The following PSME4 variants were observed in gnomAD, a reference collection of about 807,000 sequenced individuals.
PSME4 encodes the protein proteasome activator complex subunit 4.
PSME4 carries 89 observed loss-of-function variants against 253.9 expected under a neutral mutation model. The observed-to-expected ratio is 0.35, with a 90% CI of 0.30 to 0.42. The LOEUF (loss-of-function observed/expected upper bound fraction) is 0.42. Among genes scored for constraint, PSME4 ranks in the 10% least tolerant of loss-of-function variants. PSME4 has a pLI of 1.00. For missense variants in PSME4, 2,014 were observed against 2,195.2 expected, an observed-to-expected ratio of 0.92 and a Z score of 1.65; for synonymous variants, 851 against 759.2, an observed-to-expected ratio of 1.12 and a Z score of -1.99.
chr2:53,871,055 T>A (rs930448149), intron 43 of PSME4: 1 of 152,226 alleles, frequency 6.6e-6, no homozygotes, highest in Non-Finnish European at 1.5e-5. Context: ...AGTGCTAACA[T>A]ATAATGACAC....
intron 43 of PSME4, 37 bp downstream of exon 43, chr2:53,874,302 T>A (rs760688092): frequency 6.3e-7 from 1 of 1,580,234 alleles, no homozygotes; most frequent in African/African-American, 1.4e-5. Flanking sequence ...TTTCTTTAAA[T>A]TGACTGAATT....
At chr2:53,887,229 A>G in intron 40 of PSME4, 30 bp downstream of exon 40, 1 of 1,564,160 alleles carries the variant, frequency 6.4e-7, no homozygotes, top group Non-Finnish European at 8.8e-7. Context: ...GATGTTTTCA[A>G]CTGAGTTTCT....
At chr2:53,925,824 T>C in intron 13 of PSME4, 135 bp from the exon 14 acceptor site, 1 of 1,256,486 alleles carries the variant, frequency 8.0e-7, no homozygotes, top group South Asian at 1.4e-5. Context: ...CACAAATCGA[T>C]TATCCTTTTA....
intron 17 of PSME4, among the ~76,000 whole-genome samples, chr2:53,921,838 A>G (rs1668337759): frequency 7.4e-6 from 1 of 134,438 alleles, no homozygotes; most frequent in African/African-American, 2.7e-5. Context: ...ACTGCACTCC[A>G]GCCTGGGCGA....
chr2:53,956,355 C>G (rs2104483153), intron 1 of PSME4, among the ~76,000 whole-genome samples: 1 of 151,660 alleles, frequency 6.6e-6, no homozygotes, highest in Non-Finnish European at 1.5e-5. Context: ...ACGGTGAAAC[C>G]CCGTCTCTAC....
intron 41 of PSME4, among the ~76,000 whole-genome samples, chr2:53,885,308 A>C (rs922381782): frequency 2.0e-4 from 30 of 152,232 alleles, no homozygotes; most frequent in African/African-American, 6.8e-4. Flanking sequence ...TAAAACAAAC[A>C]CAATATACTG....
In PSME4 at chr2:53,921,110, A is replaced by C. The variant is rs200106189; in HGVS notation, c.2047-6T>G. 243 of 1,613,060 alleles carry C rather than the reference A, an allele frequency of 1.5e-4. 1 individual carries two copies. The African/African-American group carries it at 2.6e-3, about 17-fold the overall frequency. On this transcript the variant is annotated splice_region_variant and splice_polypyrimidine_tract_variant and intron_variant, in intron 17 of 46. Transcript: ENST00000404125. ...CTTCCATCCACTCGAGTAATCTAAA[A>C]GGAGGGAAAAAATAGTTGAAGATAT...
intron 1 of PSME4, among the ~76,000 whole-genome samples, chr2:53,959,621 G>A (rs924634468): frequency 6.6e-6 from 1 of 152,124 alleles, no homozygotes; most frequent in African/African-American, 2.4e-5. Context: ...AAGTAGCAGA[G>A]AAAACTAAGG....
chr2:53,893,004 T>C (rs1376325491), intron 35 of PSME4, 44 bp from the exon 36 acceptor site: 1 of 1,546,544 alleles, frequency 6.5e-7, no homozygotes, highest in Non-Finnish European at 8.8e-7. Flanking sequence ...ATGACTATCA[T>C]CTCGATTATA....
intron 28 of PSME4, among the ~76,000 whole-genome samples, chr2:53,900,491 C>T (rs1200611815): frequency 6.6e-6 from 1 of 151,596 alleles, no homozygotes; most frequent in Non-Finnish European, 1.5e-5. Context: ...GATGATTATG[C>T]CACTGCACTC....
intron 10 of PSME4, among the ~76,000 whole-genome samples, chr2:53,930,254 CT>C (rs1212316438): frequency 6.6e-6 from 1 of 152,130 alleles, no homozygotes; most frequent in African/African-American, 2.4e-5. Flanking sequence ...TATTTATAAG[CT>C]TTGTTCTTTC....
intron 44 of PSME4, among the ~76,000 whole-genome samples, chr2:53,867,334 G>C (rs1678613455): frequency 6.6e-6 from 1 of 151,942 alleles, no homozygotes; most frequent in African/African-American, 2.4e-5. Flanking sequence ...GCGAAACCCT[G>C]TCTCTGCTAA....
intron 29 of PSME4, among the ~76,000 whole-genome samples, chr2:53,899,544 G>A (rs543867725): frequency 2.0e-5 from 3 of 151,948 alleles, no homozygotes; most frequent in South Asian, 4.2e-4. Context: ...TCGGCCAGGC[G>A]CAGTGGCTCA....
chr2:53,910,274 A>AATCAATCTATCTTTCTC (rs1667771136), intron 20 of PSME4, 144 bp from the exon 21 acceptor site: 1 of 684,254 alleles, frequency 1.5e-6, no homozygotes, highest in Non-Finnish European at 2.6e-6. Flanking sequence ...CAATGGGAAA[A>AATCAATCTATCTTTCTC]ATCAATCTAT....
chr2:53,887,645 G>A (rs1464676016), intron 39 of PSME4, among the ~76,000 whole-genome samples, 178 bp from the exon 40 acceptor site: 1 of 152,162 alleles, frequency 6.6e-6, no homozygotes, highest in African/African-American at 2.4e-5. Flanking sequence ...CTTAGGTGTT[G>A]TGACTGCTCA....
At chr2:53,959,890 AG>A (rs1404067352) in intron 1 of PSME4, among the ~76,000 whole-genome samples, 1 of 152,260 alleles carries the variant, frequency 6.6e-6, no homozygotes, top group Admixed American at 6.5e-5. Context: ...CAAATAAGAC[AG>A]TCAGATATGA....
At chr2:53,923,913 C>CAAAAAAAAAAAAAAAAAAAAAAAAA (rs199929436) in intron 14 of PSME4, among the ~76,000 whole-genome samples, 1 of 96,878 alleles carries the variant, frequency 1.0e-5, no homozygotes, top group Non-Finnish European at 2.0e-5. Flanking sequence ...ACAGAGTTAA[C>CAAAAAAAAAAAAAAAAAAAAAAAAA]AAAAAAAAAA....
chr2:53,918,020 GA>G (rs1668134310), intron 20 of PSME4, among the ~76,000 whole-genome samples: 1 of 151,994 alleles, frequency 6.6e-6, no homozygotes, highest in East Asian at 1.9e-4. Flanking sequence ...CAATGCCTAA[GA>G]ACAGTTTTTG....
chr2:53,881,586 A>ACCTGTCACAG (rs1679392010), intron 41 of PSME4: 3 of 151,204 alleles, frequency 2.0e-5, no homozygotes, highest in African/African-American at 7.3e-5. Context: ...CAAAGAAAGC[A>ACCTGTCACAG]CCTGTCACAG....
Sources: gnomAD v4.1 joint callset for allele counts (sites outside exome capture counted in the v4.1 genomes callset) on GRCh38, gnomAD v4.1.1 for gene constraint, MANE v1.5 for transcripts, NCBI Gene and HGNC (gene_info 2026-07-23, HGNC 2026-07-21) for gene names.